Variants in PLB1 observed in about 807,000 individuals in gnomAD.
PLB1 encodes the protein phospholipase B1, membrane-associated.
In PLB1, 242 loss-of-function variants were observed where a neutral mutation model predicts 227.4. That is an observed-to-expected ratio of 1.06 (90% CI 0.96 to 1.18). The LOEUF (loss-of-function observed/expected upper bound fraction) is 1.18, where lower values mean the gene tolerates loss of function less well. PLB1 is among the 50% of genes most tolerant of loss of function. The pLI is 0.00. For synonymous variants in PLB1, 757 were observed against 682.2 expected, an observed-to-expected ratio of 1.11 and a Z score of -1.71; for missense variants, 1,858 against 1,816.3, an observed-to-expected ratio of 1.02 and a Z score of -0.42.
chr2:28,554,618 C>T (rs970191600), intron 17 of PLB1, among the ~76,000 whole-genome samples: 2 of 150,638 alleles, frequency 1.3e-5, no homozygotes, highest in Admixed American at 6.7e-5. Flanking sequence ...CTCACCTGGT[C>T]TAGAGAGAAC....
chr2:28,531,987 AATTC>A (rs908261089), intron 8 of PLB1, 117 bp from the exon 9 acceptor site: 11 of 747,646 alleles, frequency 1.5e-5, no homozygotes, highest in Non-Finnish European at 2.5e-5. Context: ...TATTGAAAAA[AATTC>A]ATACATGAGT....
chr2:28,543,390 G>A, intron 14 of PLB1, 122 bp downstream of exon 14: 1 of 992,284 alleles, frequency 1.0e-6, no homozygotes, highest in Non-Finnish European at 1.5e-6. Flanking sequence ...ATGGTTCTGG[G>A]CCACCAGGGA....
At chr2:28,630,264 A>G (rs921075373) in intron 53 of PLB1, among the ~76,000 whole-genome samples, 1 of 152,290 alleles carries the variant, frequency 6.6e-6, no homozygotes, top group East Asian at 1.9e-4. Flanking sequence ...GAGAAATCCC[A>G]GGGACCACAG....
At chr2:28,552,128 A>G (rs77858617) in intron 16 of PLB1, among the ~76,000 whole-genome samples, 4,007 of 152,338 alleles carry the variant, frequency 0.026, 89 homozygotes, top group Middle Eastern at 0.068. Context: ...ACTGTAATGC[A>G]TGTTTTCATG....
intron 6 of PLB1, 28 bp from the exon 7 acceptor site, chr2:28,529,289 C>G: frequency 1.3e-6 from 2 of 1,541,068 alleles, no homozygotes; most frequent in Non-Finnish European, 1.8e-6. Flanking sequence ...TGGTGAAGGC[C>G]AGGGCCTCAA....
At chr2:28,598,564 C>G (rs1310880404) in intron 34 of PLB1, 88 bp from the exon 35 acceptor site, 2 of 1,037,816 alleles carry the variant, frequency 1.9e-6, no homozygotes, top group African/African-American at 3.1e-5. Context: ...ACACAGCCCA[C>G]TTTGGGGACC....
At chr2:28,613,999 A>G in intron 43 of PLB1, 32 bp from the exon 44 acceptor site, 2 of 1,573,720 alleles carry the variant, frequency 1.3e-6, no homozygotes, top group South Asian at 2.2e-5. Context: ...GTGCTGTCAG[A>G]TAACTTCTCC....
At chr2:28,522,299 A>G (rs978430906) in intron 4 of PLB1, among the ~76,000 whole-genome samples, 9 of 151,852 alleles carry the variant, frequency 5.9e-5, no homozygotes, top group Non-Finnish European at 1.2e-4. Context: ...TAGGAAACCA[A>G]CTGTAGGCCC....
In PLB1 at chr2:28,549,914, C is replaced by T. The variant is rs987812433; in HGVS notation, c.1009-96C>T. 22 of 993,132 alleles carry T rather than the reference C, an allele frequency of 2.2e-5. No individual in the cohort carries two copies. The African/African-American group carries it at 3.6e-4, about 16-fold the overall frequency. The allele number at this position is 993,132 out of a possible 1,614,324, so 61.5% of individuals were successfully genotyped here. On this transcript the variant is annotated intron_variant, in intron 15 of 57. Transcript: ENST00000327757. ...CACTGGAAGCGTGATGTGAATGTTC[C>T]TAGTTGGCCAAAAGCATCACTGGAT...
chr2:28,581,530 T>A (rs1680005274), intron 23 of PLB1, among the ~76,000 whole-genome samples: 2 of 128,072 alleles, frequency 1.6e-5, no homozygotes, highest in African/African-American at 6.0e-5. Flanking sequence ...AATAAATAAA[T>A]AAATAAAATT....
chr2:28,514,847 A>G (rs1220088479), intron 1 of PLB1, among the ~76,000 whole-genome samples: 1 of 151,868 alleles, frequency 6.6e-6, no homozygotes, highest in Non-Finnish European at 1.5e-5. Flanking sequence ...TTTTTATTTT[A>G]TTTTTTTATT....
chr2:28,550,348 T>A (rs1674032853), intron 16 of PLB1, among the ~76,000 whole-genome samples: 1 of 143,388 alleles, frequency 7.0e-6, no homozygotes. Context: ...AATTTTTGTA[T>A]TTTTTTTAGT....
At chr2:28,611,044 A>G (rs897052798) in intron 43 of PLB1, among the ~76,000 whole-genome samples, 3 of 152,138 alleles carry the variant, frequency 2.0e-5, no homozygotes, top group Non-Finnish European at 2.9e-5. Context: ...CCCAGCTAAA[A>G]ACAAGCCCAA....
chr2:28,590,241 G>A (rs1340685896), intron 29 of PLB1, among the ~76,000 whole-genome samples, 165 bp downstream of exon 29: 1 of 152,018 alleles, frequency 6.6e-6, no homozygotes, highest in Non-Finnish European at 1.5e-5. Context: ...TGAGAGGGAC[G>A]GCCACCCCCA....
At chr2:28,507,400 A>G (rs1667754281) in intron 1 of PLB1, among the ~76,000 whole-genome samples, 1 of 152,144 alleles carries the variant, frequency 6.6e-6, no homozygotes, top group South Asian at 2.1e-4. Context: ...CCATCCCATG[A>G]CAGAAGGCAA....
At chr2:28,537,461 T>G (rs1671842678) in intron 9 of PLB1, among the ~76,000 whole-genome samples, 1 of 151,528 alleles carries the variant, frequency 6.6e-6, no homozygotes, top group Non-Finnish European at 1.5e-5. Context: ...GAGGCCGAGG[T>G]AGGTGGATCA....
chr2:28,529,796 C>A lies in PLB1; in HGVS notation c.468+17C>A, dbSNP rs140889422. On this transcript the variant is annotated intron_variant, in intron 8 of 57. Coordinates refer to ENST00000327757, the MANE Select transcript of PLB1 (RefSeq NM_153021.5). ...GAGAACCTGGTAAGCATCCGTCCAA[C>A]TCTGGCATGGCTGGGCTGCCTGGCT... 1.2e-6 allele frequency: 2 copies of A among 1,613,494 alleles called. No individual in the cohort carries two copies. Among genetic ancestry groups the A allele is most frequent in the African/African-American group, 2.7e-5 (2 of 74,908 alleles).
In PLB1 at chr2:28,593,954, T is replaced by TTTTG. The variant is rs540553850; in HGVS notation, c.2321+203_2321+204insGTTT. On this transcript the variant is annotated intron_variant, in intron 33 of 57. Coordinates refer to ENST00000327757, the MANE Select transcript of PLB1 (RefSeq NM_153021.5). ...TATTTTACTGTTGATAATCTTTTTTTTTTTTTTGATTGTGCAGAGAAAGTA... is the reference window on the plus strand; with the variant it reads ...TATTTTACTGTTGATAATCTTTTTTTTTTGTTTTTTTGATTGTGCAGAGAAAGTA... The TTTTG allele has an allele frequency of 4.6e-4, 333 of 721,124 alleles. 5 individuals are homozygous for TTTTG. In the African/African-American group the frequency reaches 5.3e-3, roughly 12 times the overall value. 44.7% of individuals were successfully genotyped at this position (721,124 alleles called of 1,614,324 possible). A position where few individuals can be genotyped will look rare whatever the true frequency, so the allele number is the denominator to read the frequency against.
chr2:28,633,810 A>G (rs1243099631), intron 56 of PLB1, among the ~76,000 whole-genome samples: 3 of 152,228 alleles, frequency 2.0e-5, no homozygotes, highest in South Asian at 2.1e-4. Context: ...TCCCAACCCA[A>G]TGGTTTCTTT....
Sources: allele counts gnomAD v4.1 joint callset (sites outside exome capture counted in the v4.1 genomes callset), GRCh38; gene constraint gnomAD v4.1.1; transcripts MANE v1.5; gene names NCBI Gene and HGNC (gene_info 2026-07-23, HGNC 2026-07-21).